The following SPG21 variants were observed in gnomAD, a reference collection of about 807,000 sequenced individuals.
SPG21 encodes SPG21 abhydrolase domain containing, maspardin, also known as maspardin.
Under a neutral mutation model 38.9 loss-of-function variants are expected in SPG21, and 26 were observed. The observed-to-expected ratio is 0.67, with a 90% confidence interval of 0.49 to 0.93. The LOEUF (loss-of-function observed/expected upper bound fraction) is 0.93. Ranked by LOEUF, SPG21 falls within the 40% of genes least tolerant of loss-of-function variation. The probability of loss-of-function intolerance (pLI) is 0.00; values close to 1 mark genes in which losing one functional copy is unlikely to be tolerated. For synonymous variants in SPG21, 136 were observed against 128.9 expected, an observed-to-expected ratio of 1.05 and a Z score of -0.37; for missense variants, 333 against 376.5, an observed-to-expected ratio of 0.88 and a Z score of 0.96.
Position 64,974,719 on chromosome 15 carries a change from C to G in SPG21, c.335G>C (p.Gly112Ala). 3.1e-6 allele frequency: 5 copies of G among 1,614,094 alleles called. No individual in the cohort carries two copies. Among genetic ancestry groups the G allele is most frequent in the African/African-American group, 1.3e-5 (1 of 75,018 alleles). The change falls in exon 5 of 9, where the codon GGC becomes GCC. Residue 112 changes from glycine (G) to alanine (A), a missense_variant. Gly to Ala is a moderately conservative substitution (Grantham distance 60). Coordinates refer to ENST00000204566, the MANE Select transcript of SPG21 (RefSeq NM_016630.7). ...KVHLFGASLGGFLAQKFAEYT... is the reference protein window; with the variant it reads ...KVHLFGASLGAFLAQKFAEYT... ...TTCAGCAAATTTCTGGGCCAAAAAG[C>G]CTCCCAAAGAAGCGCCAAAAAGATG...
chr15:64,979,696 T>C (rs1460514862), intron 3 of SPG21, among the ~76,000 whole-genome samples: 1 of 152,000 alleles, frequency 6.6e-6, no homozygotes, highest in African/African-American at 2.4e-5. Context: ...TTTTCATCCC[T>C]TTAAACAGTA....
intron 2 of SPG21, chr15:64,983,103 CA>C: frequency 3.7e-6 from 1 of 270,378 alleles, no homozygotes; most frequent in Non-Finnish European, 7.8e-6. Flanking sequence ...ACTAAAAATA[CA>C]AAAATTAGCT....
At chr15:64,981,376 G>A (rs988111312) in intron 2 of SPG21, 6 of 244,324 alleles carry the variant, frequency 2.5e-5, no homozygotes, top group Non-Finnish European at 3.9e-5. Flanking sequence ...TACAACCTCT[G>A]CCTCCCAGGT....
In SPG21 at chr15:64,973,018, C is replaced by G. The variant is rs911108249; in HGVS notation, c.452+1584G>C. On this transcript the variant is annotated intron_variant, in intron 5 of 8. Coordinates refer to ENST00000204566, the MANE Select transcript of SPG21 (RefSeq NM_016630.7). ...TTGCTCTGTCACCCAGCCTGGAGTACAGAGGCACAGTTGTGGCTCACTGCA... is the reference window on the plus strand; with the variant it reads ...TTGCTCTGTCACCCAGCCTGGAGTAGAGAGGCACAGTTGTGGCTCACTGCA... Among the ~76,000 whole-genome samples the G allele has an allele frequency of 2.6e-5, 4 of 152,250 alleles. No homozygotes were observed. In the Middle Eastern group the frequency reaches 0.01, roughly 391 times the overall value.
Position 64,980,791 on chromosome 15 carries a change from T to A in SPG21, c.225+73A>T. ...AACAAACTGTGCCCATTACTATAGCTGATGAGAGACAGAAGCATAAAAAAA... is the reference window on the plus strand; with the variant it reads ...AACAAACTGTGCCCATTACTATAGCAGATGAGAGACAGAAGCATAAAAAAA... On this transcript the variant is annotated intron_variant, in intron 3 of 8. Coordinates refer to ENST00000204566, the MANE Select transcript of SPG21 (RefSeq NM_016630.7). The A allele has an allele frequency of 6.7e-6, 10 of 1,503,010 alleles. No homozygotes were observed. In the Admixed American group the frequency reaches 9.2e-5, roughly 14 times the overall value. 93.1% of individuals were successfully genotyped at this position (1,503,010 alleles called of 1,614,324 possible).
intron 1 of SPG21, among the ~76,000 whole-genome samples, chr15:64,986,695 CAAAACAAAACAAAACAAAAAACAAA>C (rs1312429613): frequency 1.3e-5 from 2 of 150,220 alleles, no homozygotes; most frequent in African/African-American, 4.9e-5. Context: ...CAAAACAAAA[CAAAACAAAACAAAACAAAAAACAAA>C]AAAACAAAAA....
intron 1 of SPG21, among the ~76,000 whole-genome samples, chr15:64,985,821 C>T (rs1047421574): frequency 3.9e-5 from 6 of 152,192 alleles, no homozygotes; most frequent in African/African-American, 7.2e-5. Flanking sequence ...ACCTTGGAGA[C>T]GTACTAAGCT....
chr15:64,979,151 A>C (rs992519175), intron 3 of SPG21, among the ~76,000 whole-genome samples: 7 of 152,282 alleles, frequency 4.6e-5, no homozygotes. Context: ...CTCTCCTCCT[A>C]ATGAAACAGG....
intron 5 of SPG21, among the ~76,000 whole-genome samples, chr15:64,972,652 G>A (rs28483165): frequency 0.047 from 7,174 of 152,212 alleles, 589 homozygotes; most frequent in African/African-American, 0.16. Context: ...TGAACACGGT[G>A]AAACCCCGTC....
intron 3 of SPG21, 120 bp from the exon 4 acceptor site, chr15:64,976,675 AT>A: frequency 2.9e-6 from 2 of 698,038 alleles, no homozygotes; most frequent in Non-Finnish European, 5.0e-6. Context: ...GCTGCTCCTT[AT>A]TCAAAATATG....
chr15:64,969,067 C>A (rs1184295322), intron 7 of SPG21, among the ~76,000 whole-genome samples, 188 bp downstream of exon 7: 1 of 152,046 alleles, frequency 6.6e-6, no homozygotes, highest in Non-Finnish European at 1.5e-5. Context: ...GGTGTTATTC[C>A]TGCCAGAAAG....
At chr15:64,964,400 G>A (rs907059017) in intron 8 of SPG21, among the ~76,000 whole-genome samples, 4 of 152,008 alleles carry the variant, frequency 2.6e-5, no homozygotes, top group African/African-American at 9.7e-5. Flanking sequence ...ATATCTCTGG[G>A]CATCAAGTAT....
At position 64,980,737 on chromosome 15, in the gene SPG21, C is replaced by CAACA. The variant is rs56821289; in HGVS notation, c.225+123_225+126dup. ...CGGGCGACAGAGTGAGAATCCATCT[C>CAACA]AACAAACAAACAAACAAACAAACAA... On this transcript the variant is annotated intron_variant, in intron 3 of 8. Coordinates refer to ENST00000204566, the MANE Select transcript of SPG21 (RefSeq NM_016630.7). 259,782 of 860,868 alleles carry CAACA rather than the reference C, an allele frequency of 0.3. 35,880 individuals are homozygous for CAACA. The highest frequency in any genetic ancestry group is 0.39 in the South Asian group (24,736 of 63,302). The allele number at this position is 860,868 out of a possible 1,614,324, so 53.3% of individuals were successfully genotyped here. A position where few individuals can be genotyped will look rare whatever the true frequency, so the allele number is the denominator to read the frequency against.
chr15:64,963,247 AAAAG>A lies in SPG21; in HGVS notation c.*369_*372del, dbSNP rs944143266. The A allele has an allele frequency of 9.7e-5, 20 of 206,950 alleles. No homozygotes were observed. Among genetic ancestry groups the A allele is most frequent in the East Asian group, 2.5e-4 (2 of 8,006 alleles). The allele number at this position is 206,950 out of a possible 1,614,324, so 12.8% of individuals were successfully genotyped here. ...TGCAGCATTTACAGCAAACAACATAAAAAGAAAGAAAGAAGAATGGAAAAGAAAA... is the reference window on the plus strand; with the variant it reads ...TGCAGCATTTACAGCAAACAACATAAAAAGAAAGAAGAATGGAAAAGAAAA... On this transcript the variant is annotated 3_prime_UTR_variant, in exon 9 of 9. Coordinates refer to ENST00000204566, the MANE Select transcript of SPG21 (RefSeq NM_016630.7).
intron 7 of SPG21, 139 bp from the exon 8 acceptor site, chr15:64,965,599 G>A (rs1005495411): frequency 7.6e-7 from 1 of 1,323,706 alleles, no homozygotes; most frequent in African/African-American, 1.5e-5. Context: ...TTCATATGAA[G>A]ACAATCCTGA....
intron 3 of SPG21, among the ~76,000 whole-genome samples, 200 bp from the exon 4 acceptor site, chr15:64,976,755 G>A (rs887827554): frequency 6.6e-6 from 1 of 152,082 alleles, no homozygotes; most frequent in African/African-American, 2.4e-5. Context: ...AATTAAAAGA[G>A]TATAAAAAGT....
At chr15:64,980,560 A>C (rs1342863558) in intron 3 of SPG21, among the ~76,000 whole-genome samples, 2 of 151,910 alleles carry the variant, frequency 1.3e-5, no homozygotes, top group Non-Finnish European at 2.9e-5. Context: ...AACACGGCGA[A>C]ACCCCGTCTC....
chr15:64,969,163 G>T, intron 7 of SPG21, 92 bp downstream of exon 7: 1 of 884,752 alleles, frequency 1.1e-6, no homozygotes, highest in Non-Finnish European at 1.9e-6. Context: ...ATTTGAAGAG[G>T]TACATTGAAA....
At chr15:64,977,205 C>G (rs972070486) in intron 3 of SPG21, among the ~76,000 whole-genome samples, 3 of 152,090 alleles carry the variant, frequency 2.0e-5, no homozygotes, top group African/African-American at 7.2e-5. Flanking sequence ...GCTGAGATTA[C>G]AGATGTCCAC....
Sources: allele counts gnomAD v4.1 joint callset (sites outside exome capture counted in the v4.1 genomes callset), GRCh38; gene constraint gnomAD v4.1.1; transcripts MANE v1.5; gene names NCBI Gene and HGNC (gene_info 2026-07-23, HGNC 2026-07-21).